Variants in ADAMTSL1 observed in about 807,000 individuals in gnomAD.
The protein encoded by ADAMTSL1 is ADAMTS-like protein 1.
In ADAMTSL1, 126 loss-of-function variants were observed where a neutral mutation model predicts 201.8. The ratio of observed to expected loss-of-function variants is 0.62; its 90% CI spans 0.54 to 0.72. The LOEUF is 0.72. Among genes scored for constraint, ADAMTSL1 ranks in the 30% least tolerant of loss-of-function variants. The probability of loss-of-function intolerance (pLI) is 0.00; values close to 1 mark genes in which losing one functional copy is unlikely to be tolerated. For missense variants in ADAMTSL1, 2,679 were observed against 2,277.8 expected (o/e 1.18, Z -3.59); for synonymous variants, 1,121 against 903.4 (o/e 1.24, Z -4.32).
At chr9:18,112,913 A>T (rs1233181890) in intron 1 of ADAMTSL1, among the ~76,000 whole-genome samples, 1 of 152,186 alleles carries the variant, frequency 6.6e-6, no homozygotes, top group East Asian at 1.9e-4. Flanking sequence ...ATTAGAAAGA[A>T]GGCTACCATC....
intron 1 of ADAMTSL1, among the ~76,000 whole-genome samples, chr9:18,115,655 C>T (rs1171764824): frequency 1.3e-5 from 2 of 152,076 alleles, no homozygotes; most frequent in Non-Finnish European, 2.9e-5. Flanking sequence ...CCTGACAACC[C>T]TCATGAAATG....
chr9:18,753,740 G>C (rs191071697), intron 16 of ADAMTSL1, among the ~76,000 whole-genome samples: 5 of 152,246 alleles, frequency 3.3e-5, no homozygotes, highest in African/African-American at 1.2e-4. Flanking sequence ...CAATGCAGAT[G>C]ACCCATCTGT....
At chr9:18,558,085 G>A (rs534577444) in intron 3 of ADAMTSL1, among the ~76,000 whole-genome samples, 8 of 152,150 alleles carry the variant, frequency 5.3e-5, no homozygotes, top group South Asian at 2.1e-4. Flanking sequence ...TGGTATACAC[G>A]TGCCATGGTG....
At chr9:18,354,535 A>C (rs979319794) in intron 2 of ADAMTSL1, among the ~76,000 whole-genome samples, 1 of 152,222 alleles carries the variant, frequency 6.6e-6, no homozygotes, top group Non-Finnish European at 1.5e-5. Flanking sequence ...GTAATAATGA[A>C]GATTTCATTA....
At chr9:18,693,960 A>G (rs1831393479) in intron 13 of ADAMTSL1, among the ~76,000 whole-genome samples, 1 of 152,206 alleles carries the variant, frequency 6.6e-6, no homozygotes, top group Admixed American at 6.5e-5. Flanking sequence ...ATTGACTCAC[A>G]GTTCCACAGG....
At chr9:18,246,547 T>C (rs2891126) in intron 2 of ADAMTSL1, among the ~76,000 whole-genome samples, 49,048 of 151,982 alleles carry the variant, frequency 0.32, 8,094 homozygotes, top group Admixed American at 0.4. Context: ...AGGCAGGAAG[T>C]GCCAAAAAGA....
At position 18,504,875 on chromosome 9, in the gene ADAMTSL1, A is replaced by G. The variant is rs370239851; in HGVS notation, c.110A>G (p.Asp37Gly). ...RSEEDRDGLW[D>G]AWGPWSECSR... is the part of the protein sequence containing the mutation. Reference sequence around the variant, plus strand: ...GAGGAGGACCGGGACGGCCTATGGGATGCCTGGGGCCCATGGAGTGAATGC... The same window carrying G: ...GAGGAGGACCGGGACGGCCTATGGGGTGCCTGGGGCCCATGGAGTGAATGC... Residue 37 changes from aspartate (D) to glycine (G), a missense_variant, in exon 2 of 29, where the codon GAT becomes GGT. Coordinates refer to ENST00000380548, the MANE Select transcript of ADAMTSL1 (RefSeq NM_001040272.6). 2 of 1,613,680 alleles carry G rather than the reference A, an allele frequency of 1.2e-6. No individual in the cohort carries two copies. Among genetic ancestry groups the G allele is most frequent in the East Asian group, 2.2e-5 (1 of 44,880 alleles).
At chr9:18,099,526 GT>G (rs1401381698) in intron 1 of ADAMTSL1, among the ~76,000 whole-genome samples, 1 of 144,782 alleles carries the variant, frequency 6.9e-6, no homozygotes, top group African/African-American at 2.5e-5. Context: ...CTTTGTATTT[GT>G]TTTCTTCAGG....
At chr9:18,735,956 T>C (rs1203671576) in intron 15 of ADAMTSL1, among the ~76,000 whole-genome samples, 2 of 151,858 alleles carry the variant, frequency 1.3e-5, no homozygotes, top group African/African-American at 4.8e-5. Flanking sequence ...CTACCATACT[T>C]TTCCTGCCTC....
intron 2 of ADAMTSL1, among the ~76,000 whole-genome samples, chr9:18,226,819 T>C (rs540611769): frequency 7.2e-5 from 11 of 152,144 alleles, no homozygotes; most frequent in South Asian, 4.2e-4. Context: ...AATTTTAAAA[T>C]CAGAAGAAAA....
At chr9:18,644,323 A>G (rs940271553) in intron 7 of ADAMTSL1, among the ~76,000 whole-genome samples, 1 of 152,056 alleles carries the variant, frequency 6.6e-6, no homozygotes, top group Admixed American at 6.5e-5. Context: ...TGAAAAAGAT[A>G]TTGCAGGAAT....
Position 18,684,754 on chromosome 9 carries a change from C to A in ADAMTSL1, c.1528C>A (p.Gln510Lys). The A allele has an allele frequency of 6.2e-7, 1 of 1,613,172 alleles. No homozygotes were observed. Among genetic ancestry groups the A allele is most frequent in the Non-Finnish European group, 8.5e-7 (1 of 1,179,740 alleles). ...CGAGGCCAAGTTGCCATGGTTCAAACAAGCTCAAGAGCTAGAAGAAGGAGC... is the reference window on the plus strand; with the variant it reads ...CGAGGCCAAGTTGCCATGGTTCAAAAAAGCTCAAGAGCTAGAAGAAGGAGC... ...PVEAKLPWFKQAQELEEGAAV... is the reference protein window; with the variant it reads ...PVEAKLPWFKKAQELEEGAAV... The change falls in exon 13 of 29, where the codon CAA (glutamine) becomes AAA (lysine). Residue 510 changes from glutamine to lysine, a missense_variant. Physicochemically the swap from Gln to Lys is moderately conservative, Grantham distance 53. Transcript: ENST00000380548.
At chr9:18,815,673 C>T (rs1209877315) in intron 20 of ADAMTSL1, among the ~76,000 whole-genome samples, 2 of 147,840 alleles carry the variant, frequency 1.4e-5, no homozygotes, top group African/African-American at 5.0e-5. Flanking sequence ...ACACCACTGC[C>T]CTCCAGCCTG....
At chr9:18,315,411 G>T (rs1017952411) in intron 2 of ADAMTSL1, among the ~76,000 whole-genome samples, 1 of 152,106 alleles carries the variant, frequency 6.6e-6, no homozygotes, top group African/African-American at 2.4e-5. Context: ...GGAGGCTCGG[G>T]CCGTGTGGGA....
intron 2 of ADAMTSL1, among the ~76,000 whole-genome samples, chr9:18,196,566 T>C (rs901607104): frequency 6.6e-6 from 1 of 152,072 alleles, no homozygotes; most frequent in Non-Finnish European, 1.5e-5. Flanking sequence ...TGCTGGCCTT[T>C]TCAGCTTTTG....
At chr9:18,682,595 T>C (rs560830975) in intron 12 of ADAMTSL1, among the ~76,000 whole-genome samples, 2 of 152,304 alleles carry the variant, frequency 1.3e-5, no homozygotes, top group South Asian at 4.1e-4. Flanking sequence ...ATTTGATTTC[T>C]GTACAAGTAT....
intron 13 of ADAMTSL1, among the ~76,000 whole-genome samples, chr9:18,701,835 CATATA>C (rs1831941540): frequency 6.6e-6 from 1 of 151,976 alleles, no homozygotes; most frequent in Admixed American, 6.6e-5. Flanking sequence ...TTAAAACAAA[CATATA>C]TGAGAAAGGA....
At chr9:18,305,601 C>A (rs886493271) in intron 2 of ADAMTSL1, among the ~76,000 whole-genome samples, 2 of 152,206 alleles carry the variant, frequency 1.3e-5, no homozygotes, top group African/African-American at 4.8e-5. Flanking sequence ...GAAGTTCAGA[C>A]TGGGCAGAGC....
At chr9:18,229,956 G>A (rs542937603) in intron 2 of ADAMTSL1, among the ~76,000 whole-genome samples, 21 of 151,984 alleles carry the variant, frequency 1.4e-4, no homozygotes, top group Non-Finnish European at 2.5e-4. Context: ...CTCAGCCTCC[G>A]TAAGTGCTAG....
Sources: gnomAD v4.1 joint callset for allele counts (sites outside exome capture counted in the v4.1 genomes callset) on GRCh38, gnomAD v4.1.1 for gene constraint, MANE v1.5 for transcripts, NCBI Gene and HGNC (gene_info 2026-07-23, HGNC 2026-07-21) for gene names.